OSBPL9: variants seen among roughly 807,000 people sequenced by gnomAD.
OSBPL9 encodes the protein oxysterol-binding protein-related protein 9.
In OSBPL9, 40 loss-of-function variants were observed where a neutral mutation model predicts 106.6. The observed-to-expected ratio is 0.38, with a 90% CI of 0.29 to 0.49. The LOEUF (loss-of-function observed/expected upper bound fraction) is 0.49. Ranked by LOEUF, OSBPL9 falls within the 20% of genes least tolerant of loss-of-function variation. The pLI is 0.97. For synonymous variants in OSBPL9, 269 were observed against 295.4 expected (o/e 0.91, Z 0.92); for missense variants, 609 against 887.2 (o/e 0.69, Z 3.98).
At position 51,628,400 on chromosome 1, in the gene OSBPL9, C is replaced by T. The variant is rs1028376782; in HGVS notation, c.111+11179C>T. Among the ~76,000 whole-genome samples the T allele has an allele frequency of 3.3e-5, 5 of 151,922 alleles. No individual in the cohort carries two copies. The East Asian group carries it at 9.7e-4, about 30-fold the overall frequency. On this transcript the variant is annotated intron_variant, in intron 1 of 23. Coordinates refer to ENST00000428468, the MANE Select transcript of OSBPL9 (RefSeq NM_024586.6). ...TCTTCATCTTTATTTAATAAGATCT[C>T]AGTCATCTGGCTTTGGGAAGTTAAA...
chr1:51,610,056 T>C (rs1213455002), intron 2 of OSBPL9, among the ~76,000 whole-genome samples: 1 of 152,156 alleles, frequency 6.6e-6, no homozygotes, highest in Non-Finnish European at 1.5e-5. Flanking sequence ...CCCACACATA[T>C]ATCTTACAAT....
intron 12 of OSBPL9, among the ~76,000 whole-genome samples, chr1:51,769,903 C>T (rs2149099089): frequency 6.6e-6 from 1 of 152,128 alleles, no homozygotes. Context: ...GTTTTTAGGT[C>T]AATTGATTTA....
intron 4 of OSBPL9, among the ~76,000 whole-genome samples, chr1:51,725,922 G>T (rs1188004547): frequency 6.6e-6 from 1 of 152,058 alleles, no homozygotes; most frequent in Non-Finnish European, 1.5e-5. Flanking sequence ...CCTACCACCC[G>T]TGCAGTTGAA....
chr1:51,687,280 G>C (rs1654012533), intron 3 of OSBPL9, among the ~76,000 whole-genome samples: 1 of 152,202 alleles, frequency 6.6e-6, no homozygotes. Flanking sequence ...GAGCATAGCA[G>C]CTGGTACAGC....
intron 1 of OSBPL9, among the ~76,000 whole-genome samples, chr1:51,650,957 T>A (rs1646479914): frequency 6.6e-6 from 1 of 152,204 alleles, no homozygotes; most frequent in Admixed American, 6.5e-5. Context: ...TTTGAGCACC[T>A]GATGTGTACC....
intron 2 of OSBPL9, among the ~76,000 whole-genome samples, chr1:51,602,099 C>G (rs1645327642): frequency 7.3e-6 from 1 of 137,720 alleles, no homozygotes; most frequent in African/African-American, 2.7e-5. Flanking sequence ...CGGCTCACTG[C>G]AAGCTCCGCC....
intron 15 of OSBPL9, among the ~76,000 whole-genome samples, chr1:51,778,738 A>C (rs1675632839): frequency 6.6e-6 from 1 of 151,236 alleles, no homozygotes; most frequent in African/African-American, 2.4e-5. Flanking sequence ...CCGCCCCCCC[A>C]AAAAATCAGG....
intron 20 of OSBPL9, 146 bp from the exon 21 acceptor site, chr1:51,785,661 TG>T (rs1388012954): frequency 1.9e-5 from 12 of 632,514 alleles, no homozygotes; most frequent in African/African-American, 1.5e-4. Flanking sequence ...TAGTTAGCCC[TG>T]GGGAGTCCAG....
At chr1:51,632,849 A>G (rs1645193055) in intron 1 of OSBPL9, among the ~76,000 whole-genome samples, 1 of 152,218 alleles carries the variant, frequency 6.6e-6, no homozygotes, top group Admixed American at 6.5e-5. Flanking sequence ...CTCTGTGACT[A>G]GTTAAAATGA....
At chr1:51,570,158 G>A in the OSBPL9 span, among the ~76,000 whole-genome samples, 3 of 152,314 alleles carry the variant, frequency 2.0e-5, no homozygotes, top group African/African-American at 7.2e-5. Flanking sequence ...ATACAAAAAT[G>A]CTGTGGTAGA....
chr1:51,777,520 G>C (rs1250895307), intron 15 of OSBPL9, among the ~76,000 whole-genome samples: 1 of 152,156 alleles, frequency 6.6e-6, no homozygotes, highest in Non-Finnish European at 1.5e-5. Context: ...GGGGAATGTT[G>C]TTAGTTCGTC....
At chr1:51,732,107 G>C (rs1205828254) in intron 4 of OSBPL9, among the ~76,000 whole-genome samples, 5 of 152,204 alleles carry the variant, frequency 3.3e-5, no homozygotes, top group African/African-American at 1.2e-4. Flanking sequence ...ATTAAGATTA[G>C]TAGGGAATTT....
Position 51,772,064 on chromosome 1 carries a change from T to A in OSBPL9, c.939-6T>A. 1 of 1,604,872 alleles carries A rather than the reference T, an allele frequency of 6.2e-7. No homozygotes were observed. The highest frequency in any genetic ancestry group is 8.5e-7 in the Non-Finnish European group (1 of 1,174,718). ...AGCTTAAATAAGGTAATTAATGTTT[T>A]TATAGTTCTTCTGGATCTGCCTCAG... On this transcript the variant is annotated splice_polypyrimidine_tract_variant and splice_region_variant and intron_variant, in intron 12 of 23. Coordinates refer to ENST00000428468, the MANE Select transcript of OSBPL9 (RefSeq NM_024586.6).
intron 3 of OSBPL9, among the ~76,000 whole-genome samples, chr1:51,677,510 C>T (rs952787540): frequency 6.6e-6 from 1 of 151,788 alleles, no homozygotes; most frequent in African/African-American, 2.4e-5. Flanking sequence ...ATTAGTTTTC[C>T]ATAAAATAAT....
At chr1:51,770,983 A>G (rs941405254) in intron 12 of OSBPL9, among the ~76,000 whole-genome samples, 14 of 152,114 alleles carry the variant, frequency 9.2e-5, no homozygotes, top group East Asian at 1.9e-4. Flanking sequence ...TGATGTGTCA[A>G]TGTAGGCTCA....
At chr1:51,670,804 T>G (rs1649688564) in intron 3 of OSBPL9, among the ~76,000 whole-genome samples, 1 of 152,240 alleles carries the variant, frequency 6.6e-6, no homozygotes, top group Non-Finnish European at 1.5e-5. Flanking sequence ...AAATATGTAA[T>G]GCTGCCTATA....
chr1:51,672,596 A>G (rs1345076909), intron 3 of OSBPL9, among the ~76,000 whole-genome samples: 2 of 151,968 alleles, frequency 1.3e-5, no homozygotes, highest in East Asian at 3.9e-4. Flanking sequence ...TACCATATGT[A>G]CTCTCTTTTC....
At chr1:51,731,277 T>C in intron 4 of OSBPL9, among the ~76,000 whole-genome samples, 1 of 151,490 alleles carries the variant, frequency 6.6e-6, no homozygotes, top group Non-Finnish European at 1.5e-5. Context: ...CCCCCGCCCC[T>C]GCCCCAATAA....
At chr1:51,787,677 G>GTA (rs1307899926) in intron 23 of OSBPL9, 38 bp from the exon 24 acceptor site, 2 of 1,603,542 alleles carry the variant, frequency 1.2e-6, no homozygotes, top group Non-Finnish European at 1.7e-6. Context: ...GAAGTACAAA[G>GTA]CAAATATGTA....
Sources: allele counts gnomAD v4.1 joint callset (sites outside exome capture counted in the v4.1 genomes callset), GRCh38; gene constraint gnomAD v4.1.1; transcripts MANE v1.5; gene names NCBI Gene and HGNC (gene_info 2026-07-23, HGNC 2026-07-21).